The following SEMA6D variants were observed in gnomAD, a reference collection of about 807,000 sequenced individuals.
SEMA6D encodes the protein semaphorin-6D.
SEMA6D carries 35 observed loss-of-function variants against 106.6 expected under a neutral mutation model. The observed-to-expected ratio is 0.33, with a 90% CI of 0.25 to 0.44. The LOEUF (loss-of-function observed/expected upper bound fraction) is 0.44, where lower values mean the gene tolerates loss of function less well. Among genes scored for constraint, SEMA6D ranks in the 20% least tolerant of loss-of-function variants. The pLI, the probability that SEMA6D is intolerant of heterozygous loss-of-function variation, is 1.00. For synonymous variants in SEMA6D, 499 were observed against 487.7 expected (o/e 1.02, Z -0.31); for missense variants, 1,185 against 1,345.9 (o/e 0.88, Z 1.87).
chr15:47,316,607 G>GTT (rs35168989), intron 1 of SEMA6D, among the ~76,000 whole-genome samples: 3,821 of 140,556 alleles, frequency 0.027, 83 homozygotes, highest in African/African-American at 0.055. Flanking sequence ...TTATTGAGAG[G>GTT]TTTTTTTTTT....
intron 1 of SEMA6D, among the ~76,000 whole-genome samples, chr15:47,364,175 C>T (rs1395671961): frequency 6.6e-6 from 1 of 152,140 alleles, no homozygotes; most frequent in Non-Finnish European, 1.5e-5. Flanking sequence ...GCATGTTCAT[C>T]GTATTAATCC....
chr15:47,549,017 A>G (rs561058243), intron 3 of SEMA6D, among the ~76,000 whole-genome samples: 3 of 152,242 alleles, frequency 2.0e-5, no homozygotes, highest in East Asian at 1.9e-4. Flanking sequence ...TTACAAGGAC[A>G]CATTGCTGAA....
chr15:47,687,257 A>T (rs1178622745), intron 4 of SEMA6D, among the ~76,000 whole-genome samples: 1 of 152,122 alleles, frequency 6.6e-6, no homozygotes, highest in African/African-American at 2.4e-5. Context: ...GGCACTATGG[A>T]TACAGTGGTG....
rs59400435 is a variant in SEMA6D, at chr15:47,259,464, C to CT, written c.-239+75058dup. ...GATATAAAATTTATAGTTGAGAGTT[C>CT]TTTTTTTTTTTTCCAGCACTTGAAA... is the stretch of plus-strand genomic sequence containing the variant. On this transcript the variant is annotated intron_variant, in intron 1 of 19. Coordinates refer to the SEMA6D transcript ENST00000558014. 3.7e-3 allele frequency among the ~76,000 whole-genome samples: 531 copies of CT among 144,618 alleles called. 3 individuals are homozygous for CT. Among genetic ancestry groups the CT allele is most frequent in the African/African-American group, 0.011 (423 of 39,758 alleles). The allele number at this position is 144,618 out of a possible 152,430, so 94.9% of individuals were successfully genotyped here. A position where few individuals can be genotyped will look rare whatever the true frequency, so the allele number is the denominator to read the frequency against.
At chr15:47,511,270 T>C (rs1296058227) in intron 3 of SEMA6D, among the ~76,000 whole-genome samples, 2 of 152,216 alleles carry the variant, frequency 1.3e-5, no homozygotes, top group East Asian at 3.9e-4. Context: ...TGTGTCCTTG[T>C]TCTGTTTGAA....
At chr15:47,626,971 A>G (rs1229193668) in intron 4 of SEMA6D, among the ~76,000 whole-genome samples, 2 of 152,174 alleles carry the variant, frequency 1.3e-5, no homozygotes, top group Non-Finnish European at 2.9e-5. Flanking sequence ...TAGGGATGTC[A>G]TATGAAACAA....
chr15:47,471,754 A>G lies in SEMA6D; in HGVS notation c.-87+1209A>G, dbSNP rs184152991. On this transcript the variant is annotated intron_variant, in intron 3 of 19. Coordinates refer to the SEMA6D transcript ENST00000558014. ...CAAGGTAGTCTGCTTTTGATTTTTA[A>G]GTGTCTTCCTGGGAAGAGAGCGAGG... Among the ~76,000 whole-genome samples the G allele has an allele frequency of 7.3e-3, 1,105 of 152,236 alleles. 5 individuals carry two copies. Among genetic ancestry groups the G allele is most frequent in the Non-Finnish European group, 0.013 (883 of 68,016 alleles).
intron 4 of SEMA6D, among the ~76,000 whole-genome samples, chr15:47,653,765 A>G (rs139537643): frequency 1.3e-5 from 2 of 152,358 alleles, no homozygotes; most frequent in African/African-American, 4.8e-5. Context: ...TGTATGCCGC[A>G]TAGTAAACAG....
intron 4 of SEMA6D, among the ~76,000 whole-genome samples, chr15:47,694,849 G>A (rs760957392): frequency 8.5e-5 from 13 of 152,098 alleles, no homozygotes; most frequent in Non-Finnish European, 1.5e-4. Context: ...GGGAAGGTTG[G>A]TAATTAAAAT....
At chr15:47,768,077 C>T (rs1017339570) in intron 17 of SEMA6D, among the ~76,000 whole-genome samples, 2 of 152,138 alleles carry the variant, frequency 1.3e-5, no homozygotes, top group Non-Finnish European at 2.9e-5. Flanking sequence ...TGGTAACAAC[C>T]TCTTAGGCAG....
chr15:47,352,331 G>A (rs653749), intron 1 of SEMA6D, among the ~76,000 whole-genome samples: 71,087 of 152,088 alleles, frequency 0.47, 19,732 homozygotes, highest in South Asian at 0.61. Flanking sequence ...AGTAGGAGAA[G>A]GTGTTGAAGA....
At chr15:47,768,874 C>A in intron 18 of SEMA6D, 126 bp downstream of exon 18, 1 of 757,050 alleles carries the variant, frequency 1.3e-6, no homozygotes, top group Non-Finnish European at 2.1e-6. Context: ...TCCACCGCCC[C>A]TTGCCACAGT....
intron 3 of SEMA6D, among the ~76,000 whole-genome samples, chr15:47,494,129 A>G (rs2141478007): frequency 6.6e-6 from 1 of 152,256 alleles, no homozygotes; most frequent in Non-Finnish European, 1.5e-5. Context: ...GCCTGTCTAC[A>G]GTCAACAGTG....
At chr15:47,699,462 A>G (rs1458301274) in intron 4 of SEMA6D, among the ~76,000 whole-genome samples, 1 of 152,212 alleles carries the variant, frequency 6.6e-6, no homozygotes, top group Non-Finnish European at 1.5e-5. Context: ...ACTTGTCTCT[A>G]TGCAGTGCAT....
At chr15:47,486,270 C>G (rs2043293847) in intron 3 of SEMA6D, among the ~76,000 whole-genome samples, 1 of 152,174 alleles carries the variant, frequency 6.6e-6, no homozygotes, top group South Asian at 2.1e-4. Context: ...TAATGTGCAA[C>G]TCATGTCAAG....
At chr15:47,369,599 T>C (rs1489136211) in intron 1 of SEMA6D, among the ~76,000 whole-genome samples, 1 of 152,228 alleles carries the variant, frequency 6.6e-6, no homozygotes, top group Non-Finnish European at 1.5e-5. Context: ...GTGATTCATT[T>C]TTGAACTTTA....
At chr15:47,197,034 C>T (rs1342235725) in intron 1 of SEMA6D, among the ~76,000 whole-genome samples, 2 of 152,074 alleles carry the variant, frequency 1.3e-5, no homozygotes, top group Non-Finnish European at 1.5e-5. Context: ...TTCAAAAAAC[C>T]TTTGCTCATC....
intron 1 of SEMA6D, chr15:47,241,390 G>A (rs2032897991): frequency 6.6e-6 from 1 of 152,140 alleles, no homozygotes; most frequent in Non-Finnish European, 1.5e-5. Context: ...CACCACCTAT[G>A]TGGTACAGAA....
chr15:47,206,899 C>G (rs1250728599), intron 1 of SEMA6D, among the ~76,000 whole-genome samples: 1 of 152,008 alleles, frequency 6.6e-6, no homozygotes, highest in African/African-American at 2.4e-5. Flanking sequence ...AATTAGTGTT[C>G]CTGGTTTGCT....
Sources: gnomAD v4.1 joint callset for allele counts (sites outside exome capture counted in the v4.1 genomes callset) on GRCh38, gnomAD v4.1.1 for gene constraint, MANE v1.5 for transcripts, NCBI Gene and HGNC (gene_info 2026-07-23, HGNC 2026-07-21) for gene names.